The following DCPS variants were observed in gnomAD, a reference collection of about 807,000 sequenced individuals.
DCPS encodes the protein m7GpppX diphosphatase.
A neutral mutation model predicts 34.7 loss-of-function variants in DCPS; 27 were observed. That is an observed-to-expected ratio of 0.78 (90% CI 0.57 to 1.07). DCPS has a LOEUF of 1.07. Among genes scored for constraint, DCPS ranks in the 50% least tolerant of loss-of-function variants. DCPS has a pLI of 0.00. For missense variants in DCPS, 464 were observed against 436.9 expected, an observed-to-expected ratio of 1.06 and a Z score of -0.55; for synonymous variants, 185 against 185.7, an observed-to-expected ratio of 1.00 and a Z score of 0.03.
In DCPS at chr11:126,349,748, A is replaced by T. The variant is rs532001244; in HGVS notation, c.*4135A>T. ...GTTTTTATTCCAAACATGTATATAT[A>T]AGGTTAAAATGTATTTTTTAAAATA... On this transcript the variant is annotated 3_prime_UTR_variant, in exon 6 of 6. Transcript: ENST00000263579. This position sits in a 1 kb window ranked among gnomAD's most constrained non-coding sequence, Gnocchi z 5.4. Among the ~76,000 whole-genome samples, 28 of 152,354 alleles carry T rather than the reference A, an allele frequency of 1.8e-4. No individual in the cohort carries two copies. Among genetic ancestry groups the T allele is most frequent in the African/African-American group, 6.0e-4 (25 of 41,584 alleles).
chr11:126,323,180 A>C lies in DCPS; in HGVS notation c.377-8225A>C, dbSNP rs1188100791. 2.0e-5 allele frequency among the ~76,000 whole-genome samples: 3 copies of C among 152,200 alleles called. No individual in the cohort carries two copies. Among genetic ancestry groups the C allele is most frequent in the South Asian group, 4.1e-4 (2 of 4,830 alleles). On this transcript the variant is annotated intron_variant, in intron 2 of 5. Coordinates refer to ENST00000263579, the MANE Select transcript of DCPS (RefSeq NM_014026.6). The surrounding 1 kb of genome is among the most constrained non-coding windows in gnomAD (Gnocchi z 4.4). The stretch of plus-strand genomic sequence containing the variant: ...AATAAATATATTTTCAGATGTTTCA[A>C]GTCTCAAAATATATCTTGCTTGCAC...
In DCPS at chr11:126,335,031, T is replaced by C. The variant is rs1003971958; in HGVS notation, c.523-3255T>C. On this transcript the variant is annotated intron_variant, in intron 3 of 5. Transcript: ENST00000263579. This position sits in a 1 kb window ranked among gnomAD's most constrained non-coding sequence, Gnocchi z 4.8. ...GGTGCCATATATCATGTGCCTGCTA[T>C]TGTTTCCAGCACAGAATGATGCCAG... Among the ~76,000 whole-genome samples, 9 of 152,246 alleles carry C rather than the reference T, an allele frequency of 5.9e-5. No individual in the cohort carries two copies. Among genetic ancestry groups the C allele is most frequent in the African/African-American group, 2.2e-4 (9 of 41,458 alleles).
chr11:126,338,397 CA>C lies in DCPS; in HGVS notation c.635del (p.Gln212ArgfsTer7). 1 of 1,614,034 alleles carries C rather than the reference CA, an allele frequency of 6.2e-7. No individual in the cohort carries two copies. The highest frequency in any genetic ancestry group is 8.5e-7 in the Non-Finnish European group (1 of 1,179,900). On this transcript the variant is annotated frameshift_variant and splice_region_variant, in exon 4 of 6. Coordinates refer to ENST00000263579, the MANE Select transcript of DCPS (RefSeq NM_014026.6). LOFTEE classifies it high-confidence loss of function. This position sits in a 1 kb window ranked among gnomAD's most constrained non-coding sequence, Gnocchi z 5.4. ...CCCTGACCTCAAGTGGAACCAACAG[CA>C]GGTAAAGGTTTCTGGCTGGAATGTC... Reference protein sequence around the residue: ...LIPDLKWNQQQLDDLYLIAIC... With the variant: ...LIPDLKWNQQXLDDLYLIAIC...
chr11:126,331,658 G>T lies in DCPS; in HGVS notation c.522+108G>T, dbSNP rs1307349092. 3 of 1,378,904 alleles carry T rather than the reference G, an allele frequency of 2.2e-6. No individual in the cohort carries two copies. Among genetic ancestry groups the T allele is most frequent in the African/African-American group, 2.9e-5 (2 of 69,492 alleles). 85.4% of individuals were successfully genotyped at this position (1,378,904 alleles called of 1,614,324 possible). On this transcript the variant is annotated intron_variant, in intron 3 of 5. Coordinates refer to ENST00000263579, the MANE Select transcript of DCPS (RefSeq NM_014026.6). This position sits in a 1 kb window ranked among gnomAD's most constrained non-coding sequence, Gnocchi z 7.2. ...AGGGGCCAGGCGCTGTGCTGGGCGA[G>T]GGGATGGGGGTACAGTAGAGAGCAT...
intron 1 of DCPS, among the ~76,000 whole-genome samples, chr11:126,306,139 G>A (rs1468019782): frequency 1.3e-5 from 2 of 152,126 alleles, no homozygotes; most frequent in Admixed American, 1.3e-4. Context: ...TTGGGAGGCT[G>A]AGGCAGGCAT....
intron 2 of DCPS, among the ~76,000 whole-genome samples, chr11:126,321,856 G>A (rs138092683): frequency 2.4e-4 from 37 of 152,024 alleles, no homozygotes; most frequent in African/African-American, 8.4e-4. Context: ...CAGCAGAAAT[G>A]GAAAATTAAA....
chr11:126,343,277 G>A (rs1565380830), intron 4 of DCPS, 30 bp from the exon 5 acceptor site: 3 of 1,590,650 alleles, frequency 1.9e-6, no homozygotes, highest in Non-Finnish European at 2.6e-6. Flanking sequence ...GTTCCCTGCT[G>A]AGCCTGGTCT....
Position 126,306,623 on chromosome 11 carries a change from G to T in DCPS, c.255G>T (p.Glu85Asp). 6.2e-7 allele frequency: 1 copy of T among 1,613,852 alleles called. No homozygotes were observed. Among genetic ancestry groups the T allele is most frequent in the Non-Finnish European group, 8.5e-7 (1 of 1,179,850 alleles). Residue 85 changes from glutamate to aspartate, a missense_variant, in exon 2 of 6, where the codon GAG (glutamate) becomes GAT (aspartate). Glu to Asp is a conservative substitution (Grantham distance 45). Transcript: ENST00000263579. ...GAGAGGATGCCGTTGTGATCCTGGA[G>T]AAGACGCCATTTCAGGTGGAACAGG... ...GDGEDAVVIL[E>D]KTPFQVEQVA...
Position 126,325,916 on chromosome 11 carries a change from G to A in DCPS, c.377-5489G>A, listed in dbSNP as rs1209081223. ...GGGCGGATTACGAGATCAGGAAATC[G>A]AGGCCATCCTGGCCAACTTGGTGAA... is the stretch of plus-strand genomic sequence containing the variant. On this transcript the variant is annotated intron_variant, in intron 2 of 5. Coordinates refer to ENST00000263579, the MANE Select transcript of DCPS (RefSeq NM_014026.6). The surrounding 1 kb of genome is among the most constrained non-coding windows in gnomAD (Gnocchi z 4.3). 6.6e-6 allele frequency among the ~76,000 whole-genome samples: 1 copy of A among 152,072 alleles called. No homozygotes were observed. Among genetic ancestry groups the A allele is most frequent in the Non-Finnish European group, 1.5e-5 (1 of 68,020 alleles).
At chr11:126,306,432 G>A (rs1591379664) in intron 1 of DCPS, 138 bp from the exon 2 acceptor site, 27 of 931,586 alleles carry the variant, frequency 2.9e-5, no homozygotes. Flanking sequence ...CCATTGGCTA[G>A]ACTTCCCCAG....
intron 2 of DCPS, among the ~76,000 whole-genome samples, chr11:126,309,954 A>C (rs1330248457): frequency 6.6e-6 from 1 of 152,020 alleles, no homozygotes; most frequent in Non-Finnish European, 1.5e-5. Context: ...GAAAATGAAA[A>C]TATCACTCTT....
intron 2 of DCPS, among the ~76,000 whole-genome samples, chr11:126,311,657 A>G (rs1951619256): frequency 6.6e-6 from 1 of 152,228 alleles, no homozygotes; most frequent in Non-Finnish European, 1.5e-5. Flanking sequence ...GGGGATGGAA[A>G]GAAGAACAGA....
At chr11:126,305,413 C>CTTTTTTTTT (rs1165260410) in intron 1 of DCPS, among the ~76,000 whole-genome samples, 12 of 68,326 alleles carry the variant, frequency 1.8e-4, no homozygotes, top group Non-Finnish European at 3.0e-4. Context: ...CCGCACCCGC[C>CTTTTTTTTT]TTTTTTTTTT....
At position 126,320,473 on chromosome 11, in the gene DCPS, TA is replaced by T. The variant is rs1951697452; in HGVS notation, c.377-10931del. Among the ~76,000 whole-genome samples the T allele has an allele frequency of 2.6e-5, 4 of 151,940 alleles. No homozygotes were observed. Among genetic ancestry groups the T allele is most frequent in the African/African-American group, 9.7e-5 (4 of 41,364 alleles). On this transcript the variant is annotated intron_variant, in intron 2 of 5. Coordinates refer to ENST00000263579, the MANE Select transcript of DCPS (RefSeq NM_014026.6). This position sits in a 1 kb window ranked among gnomAD's most constrained non-coding sequence, Gnocchi z 4.7. The stretch of plus-strand genomic sequence containing the variant: ...CCTTTATAGCCTGCTCTGACAATGA[TA>T]TTAAAGGAATATTCTTAAAAAAAAA...
At chr11:126,317,769 C>A (rs1951673158) in intron 2 of DCPS, among the ~76,000 whole-genome samples, 1 of 152,232 alleles carries the variant, frequency 6.6e-6, no homozygotes, top group Admixed American at 6.5e-5. Flanking sequence ...AGCATAGTTT[C>A]TTTCTGTGTG....
intron 2 of DCPS, among the ~76,000 whole-genome samples, chr11:126,316,785 G>T (rs1278104483): frequency 1.3e-5 from 2 of 150,134 alleles, no homozygotes; most frequent in African/African-American, 4.9e-5. Context: ...CTCCCAAGTA[G>T]CTGGGATTAC....
At position 126,328,859 on chromosome 11, in the gene DCPS, C is replaced by T. The variant is rs1951760309; in HGVS notation, c.377-2546C>T. Among the ~76,000 whole-genome samples, 1 of 152,206 alleles carries T rather than the reference C, an allele frequency of 6.6e-6. No homozygotes were observed. The highest frequency in any genetic ancestry group is 6.5e-5 in the Admixed American group (1 of 15,286). On this transcript the variant is annotated intron_variant, in intron 2 of 5. Transcript: ENST00000263579. This position sits in a 1 kb window ranked among gnomAD's most constrained non-coding sequence, Gnocchi z 6.6. ...CTTCCTGAATCTTTCCTTCTACTGA[C>T]TCGTTTAATTCTCCCAACAGCCCTG... is the stretch of plus-strand genomic sequence containing the variant.
At chr11:126,310,939 C>T (rs756942100) in intron 2 of DCPS, among the ~76,000 whole-genome samples, 21 of 152,252 alleles carry the variant, frequency 1.4e-4, no homozygotes, top group Non-Finnish European at 2.8e-4. Context: ...GCCCCCACCC[C>T]TCATTTCTGA....
chr11:126,319,736 C>T lies in DCPS; in HGVS notation c.377-11669C>T, dbSNP rs755661221. ...CTGCTTTTGGAAAACATGGCCCCAG[C>T]ACAGGTATCTTAGGAACGGCCCGAA... On this transcript the variant is annotated intron_variant, in intron 2 of 5. Coordinates refer to ENST00000263579, the MANE Select transcript of DCPS (RefSeq NM_014026.6). This position sits in a 1 kb window ranked among gnomAD's most constrained non-coding sequence, Gnocchi z 4.5. Among the ~76,000 whole-genome samples, 25 of 152,186 alleles carry T rather than the reference C, an allele frequency of 1.6e-4. No individual in the cohort carries two copies. The highest frequency in any genetic ancestry group is 1.8e-4 in the Non-Finnish European group (12 of 68,044).
Sources: allele counts gnomAD v4.1 joint callset (sites outside exome capture counted in the v4.1 genomes callset), GRCh38; gene constraint gnomAD v4.1.1; non-coding constraint Gnocchi (gnomAD v3.1); transcripts MANE v1.5; gene names NCBI Gene and HGNC (gene_info 2026-07-23, HGNC 2026-07-21).